WDR70: variants seen among roughly 807,000 people sequenced by gnomAD.
The protein encoded by WDR70 is WD repeat-containing protein 70.
WDR70 carries 53 observed loss-of-function variants against 88.6 expected under a neutral mutation model. The ratio of observed to expected loss-of-function variants is 0.60; its 90% CI spans 0.48 to 0.75. The LOEUF is 0.75. WDR70 is among the 30% of genes least tolerant of loss of function. WDR70 has a pLI of 0.00. For synonymous variants in WDR70, 280 were observed against 270.0 expected, an observed-to-expected ratio of 1.04 and a Z score of -0.36; for missense variants, 610 against 823.2, an observed-to-expected ratio of 0.74 and a Z score of 3.17.
intron 9 of WDR70, among the ~76,000 whole-genome samples, chr5:37,521,322 T>A (rs1741078907): frequency 6.6e-6 from 1 of 152,156 alleles, no homozygotes; most frequent in Non-Finnish European, 1.5e-5. Flanking sequence ...TTTAAAAGTT[T>A]TTAAAAATAA....
intron 10 of WDR70, among the ~76,000 whole-genome samples, chr5:37,644,203 G>C (rs1206492368): frequency 6.6e-6 from 1 of 151,612 alleles, no homozygotes; most frequent in Non-Finnish European, 1.5e-5. Flanking sequence ...AGGGGATGTT[G>C]AATTTTATCA....
At position 37,590,703 on chromosome 5, in the gene WDR70, C is replaced by T. The variant is rs191431971; in HGVS notation, c.918-14361C>T. Among the ~76,000 whole-genome samples the T allele has an allele frequency of 3.6e-3, 546 of 152,134 alleles. 6 individuals carry two copies. Among genetic ancestry groups the T allele is most frequent in the African/African-American group, 0.013 (529 of 41,486 alleles). ...GTGATGTGATCATAAGCCAAGGAGG[C>T]CAAGGAATGGTGCCAGCCACTAGAA... On this transcript the variant is annotated intron_variant, in intron 9 of 17. Transcript: ENST00000265107.
At chr5:37,675,604 G>T (rs1746179393) in intron 10 of WDR70, among the ~76,000 whole-genome samples, 1 of 151,996 alleles carries the variant, frequency 6.6e-6, no homozygotes, top group Non-Finnish European at 1.5e-5. Flanking sequence ...TCTCTGTTTT[G>T]GTACCAGTAC....
At chr5:37,528,114 C>T (rs1581368325) in intron 9 of WDR70, among the ~76,000 whole-genome samples, 1 of 152,194 alleles carries the variant, frequency 6.6e-6, no homozygotes, top group Non-Finnish European at 1.5e-5. Flanking sequence ...TTTGACCCAG[C>T]CATCCCATTA....
chr5:37,739,353 C>T (rs1244443845), intron 17 of WDR70, among the ~76,000 whole-genome samples: 2 of 152,198 alleles, frequency 1.3e-5, no homozygotes, highest in African/African-American at 4.8e-5. Context: ...TCCTTCGAGT[C>T]AATCCCTTTA....
intron 9 of WDR70, among the ~76,000 whole-genome samples, chr5:37,536,235 T>G (rs758151799): frequency 6.6e-6 from 1 of 152,320 alleles, no homozygotes; most frequent in Non-Finnish European, 1.5e-5. Flanking sequence ...TGTATATTCC[T>G]TCTTGCTGAA....
intron 9 of WDR70, among the ~76,000 whole-genome samples, chr5:37,597,272 G>C (rs1407989672): frequency 6.6e-6 from 1 of 152,100 alleles, no homozygotes; most frequent in Non-Finnish European, 1.5e-5. Context: ...ATAAGAAACT[G>C]TTTTCCACAG....
At chr5:37,699,360 AGTGTGTG>A in intron 11 of WDR70, among the ~76,000 whole-genome samples, 1 of 125,948 alleles carries the variant, frequency 7.9e-6, no homozygotes, top group East Asian at 2.3e-4. Context: ...ACACACACAC[AGTGTGTG>A]TGTGTGTATA....
chr5:37,602,053 A>G (rs1743898676), intron 9 of WDR70, among the ~76,000 whole-genome samples: 1 of 145,382 alleles, frequency 6.9e-6, no homozygotes, highest in Non-Finnish European at 1.5e-5. Context: ...GGAACGTCAC[A>G]CACTGGGGCC....
chr5:37,732,479 C>A (rs1451423416), intron 17 of WDR70, among the ~76,000 whole-genome samples: 1 of 152,068 alleles, frequency 6.6e-6, no homozygotes, highest in Admixed American at 6.6e-5. Context: ...GAATTAGTAT[C>A]TTTGGATGTA....
intron 7 of WDR70, among the ~76,000 whole-genome samples, chr5:37,476,528 A>G (rs368651130): frequency 6.7e-6 from 1 of 149,930 alleles, no homozygotes; most frequent in Admixed American, 6.8e-5. Context: ...ACTATCTACA[A>G]TGTTTTATTG....
At chr5:37,503,193 A>G (rs1740455026) in intron 8 of WDR70, among the ~76,000 whole-genome samples, 1 of 152,062 alleles carries the variant, frequency 6.6e-6, no homozygotes, top group South Asian at 2.1e-4. Context: ...TATCAGGATG[A>G]TAATACAGGC....
chr5:37,572,561 AC>A (rs1221399270), intron 9 of WDR70, among the ~76,000 whole-genome samples: 1 of 152,090 alleles, frequency 6.6e-6, no homozygotes, highest in East Asian at 1.9e-4. Flanking sequence ...CATTGTACCC[AC>A]CAAGCAACCT....
At chr5:37,389,244 C>T (rs1332336703) in intron 3 of WDR70, among the ~76,000 whole-genome samples, 5 of 150,674 alleles carry the variant, frequency 3.3e-5, no homozygotes, top group Admixed American at 1.3e-4. Flanking sequence ...AGGTGCACAC[C>T]GCCACGCCTG....
In WDR70 at chr5:37,415,324, G is replaced by A. The variant is rs1749671893; in HGVS notation, c.492+18754G>A. 2.0e-5 allele frequency among the ~76,000 whole-genome samples: 3 copies of A among 150,632 alleles called. No individual in the cohort carries two copies. In the South Asian group the frequency reaches 6.3e-4, roughly 32 times the overall value. On this transcript the variant is annotated intron_variant, in intron 5 of 17. Transcript: ENST00000265107. Reference sequence around the variant, plus strand: ...CACCTCCCAGACGGGGTGGTGGCCGGGCAGAGGGGCTCCTCACTTCCCAGT... The same window carrying A: ...CACCTCCCAGACGGGGTGGTGGCCGAGCAGAGGGGCTCCTCACTTCCCAGT...
At chr5:37,448,492 A>G (rs918303285) in intron 7 of WDR70, among the ~76,000 whole-genome samples, 3 of 152,198 alleles carry the variant, frequency 2.0e-5, no homozygotes, top group African/African-American at 7.2e-5. Flanking sequence ...ATTCATGCAT[A>G]TATGTGTCTA....
intron 10 of WDR70, among the ~76,000 whole-genome samples, chr5:37,644,852 G>A (rs1745192834): frequency 6.6e-6 from 1 of 151,664 alleles, no homozygotes; most frequent in Admixed American, 6.6e-5. Context: ...ATTAATTTGG[G>A]TCTTCTGTCT....
intron 9 of WDR70, among the ~76,000 whole-genome samples, chr5:37,519,642 G>A (rs1176803921): frequency 1.4e-5 from 2 of 141,610 alleles, no homozygotes; most frequent in African/African-American, 2.7e-5. Context: ...TCACCTCCCA[G>A]ACGGGGCGGC....
intron 7 of WDR70, among the ~76,000 whole-genome samples, chr5:37,478,761 G>A (rs1448700379): frequency 6.6e-6 from 1 of 152,190 alleles, no homozygotes; most frequent in African/African-American, 2.4e-5. Context: ...CCTTTGGTGA[G>A]GGAGTTGCAA....
Sources: gnomAD v4.1 joint callset for allele counts (sites outside exome capture counted in the v4.1 genomes callset) on GRCh38, gnomAD v4.1.1 for gene constraint, MANE v1.5 for transcripts, NCBI Gene and HGNC (gene_info 2026-07-23, HGNC 2026-07-21) for gene names.